The following FGFR3 variants were observed in gnomAD, a reference collection of about 807,000 sequenced individuals.
The protein encoded by FGFR3 is fibroblast growth factor receptor 3.
In FGFR3, 25 loss-of-function variants were observed where a neutral mutation model predicts 82.9. That is an observed-to-expected ratio of 0.30 (90% CI 0.22 to 0.42). The LOEUF (loss-of-function observed/expected upper bound fraction) is 0.42. Ranked by LOEUF, FGFR3 falls within the 10% of genes least tolerant of loss-of-function variation. FGFR3 has a pLI of 1.00. For missense variants in FGFR3, 1,026 were observed against 1,161.0 expected, an observed-to-expected ratio of 0.88 and a Z score of 1.69; for synonymous variants, 620 against 516.0, an observed-to-expected ratio of 1.20 and a Z score of -2.73.
chr4:1,806,337 C>T lies in FGFR3; in HGVS notation c.2030+10C>T, dbSNP rs1318518147. 2 of 1,613,000 alleles carry T rather than the reference C, an allele frequency of 1.2e-6. No homozygotes were observed. The highest frequency in any genetic ancestry group is 2.2e-5 in the East Asian group (1 of 44,888). On this transcript the variant is annotated intron_variant, in intron 15 of 17. Coordinates refer to ENST00000440486, the MANE Select transcript of FGFR3 (RefSeq NM_000142.5). ...CTCACCAGAGTGACGTGTACGTGTC[C>T]TGCAGAGCTCAGGCTTCAGGGGTGG...
At chr4:1,802,395 A>C (rs1721304732) in intron 7 of FGFR3, among the ~76,000 whole-genome samples, 1 of 151,978 alleles carries the variant, frequency 6.6e-6, no homozygotes, top group African/African-American at 2.4e-5. Flanking sequence ...CTGAGCCCCG[A>C]CCTGGCCGAT....
intron 2 of FGFR3, among the ~76,000 whole-genome samples, chr4:1,796,495 T>C (rs1477054754): frequency 1.3e-5 from 2 of 151,936 alleles, no homozygotes; most frequent in Non-Finnish European, 2.9e-5. Flanking sequence ...AACCAGAATG[T>C]GTTGTTTCCT....
At chr4:1,794,620 G>A (rs1481972638) in intron 2 of FGFR3, among the ~76,000 whole-genome samples, 2 of 152,152 alleles carry the variant, frequency 1.3e-5, no homozygotes, top group Non-Finnish European at 2.9e-5. Context: ...CCAGGCAAGC[G>A]AGGGGCGCGT....
intron 7 of FGFR3, among the ~76,000 whole-genome samples, chr4:1,802,380 G>C (rs868409324): frequency 2.0e-4 from 31 of 152,288 alleles, no homozygotes; most frequent in African/African-American, 7.5e-4. Flanking sequence ...CCTCAGAGGC[G>C]GTGGCTGAGC....
intron 8 of FGFR3, 46 bp from the exon 9 acceptor site, chr4:1,804,284 G>A (rs202070694): frequency 3.3e-5 from 51 of 1,537,614 alleles, no homozygotes; most frequent in Admixed American, 2.3e-4. Context: ...TGGGAGCCCC[G>A]TGGGGGGGGG....
rs17879364 is a variant in FGFR3, at chr4:1,807,267, C to T, written c.*5C>T. On this transcript the variant is annotated 3_prime_UTR_variant, in exon 18 of 18. Transcript: ENST00000440486. The stretch of plus-strand genomic sequence containing the variant: ...AGTGGGGGCTCGCGGACGTGAAGGG[C>T]CACTGGTCCCCAACAATGTGAGGGG... The T allele has an allele frequency of 2.5e-6, 4 of 1,591,548 alleles. No homozygotes were observed. Among genetic ancestry groups the T allele is most frequent in the East Asian group, 4.6e-5 (2 of 43,630 alleles).
At chr4:1,799,196 C>T (rs1720886379) in intron 2 of FGFR3, 58 bp from the exon 3 acceptor site, 1 of 1,610,236 alleles carries the variant, frequency 6.2e-7, no homozygotes, top group Non-Finnish European at 8.5e-7. Flanking sequence ...ACTGCTGTGT[C>T]TGTAAACGGT....
chr4:1,794,107 G>A, intron 2 of FGFR3, 64 bp downstream of exon 2: 1 of 1,026,318 alleles, frequency 9.7e-7, no homozygotes, highest in Non-Finnish European at 1.3e-6. Flanking sequence ...TTGGGGACGG[G>A]AACCGGCCCC....
chr4:1,803,588 T>TGGC, intron 7 of FGFR3, 104 bp from the exon 8 acceptor site: 4 of 1,522,602 alleles, frequency 2.6e-6, no homozygotes, highest in Non-Finnish European at 3.5e-6. Flanking sequence ...GAGTTGGTGG[T>TGGC]GGCGGCGTTT....
chr4:1,805,325 C>T (rs975305434), intron 10 of FGFR3, 30 bp from the exon 11 acceptor site: 2 of 1,608,652 alleles, frequency 1.2e-6, no homozygotes, highest in Non-Finnish European at 1.7e-6. Context: ...CGAGTTTGCA[C>T]ACTCATGGTC....
intron 6 of FGFR3, 26 bp downstream of exon 6, chr4:1,801,769 G>C (rs1257453845): frequency 3.8e-6 from 6 of 1,593,450 alleles, no homozygotes; most frequent in African/African-American, 1.3e-5. Context: ...CGGCGCGGGG[G>C]TGGGGGCGGC....
chr4:1,793,660 G>C (rs988346021), intron 1 of FGFR3, among the ~76,000 whole-genome samples, 173 bp from the exon 2 acceptor site: 8 of 149,708 alleles, frequency 5.3e-5, no homozygotes, highest in East Asian at 2.0e-4. Flanking sequence ...AGGGGGAGGA[G>C]GGAGGGACCG....
In FGFR3 at chr4:1,801,610, C is replaced by G; in HGVS notation, c.616-10C>G. 1 of 1,605,996 alleles carries G rather than the reference C, an allele frequency of 6.2e-7. No homozygotes were observed. Among genetic ancestry groups the G allele is most frequent in the Non-Finnish European group, 8.5e-7 (1 of 1,177,294 alleles). ...CCTCCGCTCACTCACCCGCCCGCGT[C>G]CCGGTGCAGCTGCGGCATCAGCAGT... On this transcript the variant is annotated splice_polypyrimidine_tract_variant and intron_variant, in intron 5 of 17. Transcript: ENST00000440486.
intron 9 of FGFR3, 32 bp downstream of exon 9, chr4:1,804,552 G>GC: frequency 6.2e-7 from 1 of 1,608,742 alleles, no homozygotes; most frequent in Non-Finnish European, 8.5e-7. Context: ...GTTCTGAGCT[G>GC]CCTGCCCGCC....
At position 1,805,751 on chromosome 4, in the gene FGFR3, G is replaced by A; in HGVS notation, c.1647G>A (p.Gly549=). ...CGTCTGAGGAGCCCGTGTCCCCAGG[G>A]CCCCTGTACGTGCTGGTGGAGTACG... The part of the protein sequence containing the change: ...INLLGACTQG[G]PLYVLVEYAA... The change falls in exon 13 of 18, where the codon GGG becomes GGA. Residue 549 remains glycine (G), a splice_region_variant and synonymous_variant. Coordinates refer to ENST00000440486, the MANE Select transcript of FGFR3 (RefSeq NM_000142.5). 6.2e-7 allele frequency: 1 copy of A among 1,612,448 alleles called. No homozygotes were observed. The highest frequency in any genetic ancestry group is 8.5e-7 in the Non-Finnish European group (1 of 1,179,680).
rs574622446 is a variant in FGFR3 at position 1,807,398 on chromosome 4, T to C, written c.*136T>C. 2.7e-4 allele frequency: 262 copies of C among 985,014 alleles called. No homozygotes were observed. The African/African-American group carries it at 6.5e-3, about 24-fold the overall frequency. The allele number at this position is 985,014 out of a possible 1,614,324, so 61.0% of individuals were successfully genotyped here. On this transcript the variant is annotated 3_prime_UTR_variant, in exon 18 of 18. Coordinates refer to ENST00000440486, the MANE Select transcript of FGFR3 (RefSeq NM_000142.5). ...GAGCTTTGGTCTGTGTGTGTGTGTG[T>C]GCGTGTGTGTGTGTGTGTGTGCACA...
At chr4:1,805,049 T>A in intron 10 of FGFR3, 80 bp downstream of exon 10, 1 of 1,482,386 alleles carries the variant, frequency 6.7e-7, no homozygotes, top group Non-Finnish European at 9.0e-7. Context: ...GAGGCCCGGC[T>A]GGGTTTAGGG....
At position 1,793,839 on chromosome 4, in the gene FGFR3, G is replaced by T. The variant is rs1720133722; in HGVS notation, c.-96G>T. 2 of 245,682 alleles carry T rather than the reference G, an allele frequency of 8.1e-6. No homozygotes were observed. Among genetic ancestry groups the T allele is most frequent in the South Asian group, 2.9e-4 (2 of 7,012 alleles). 15.2% of individuals were successfully genotyped at this position (245,682 alleles called of 1,614,324 possible). On this transcript the variant is annotated 5_prime_UTR_variant, in exon 2 of 18. Transcript: ENST00000440486. ...TGCCTTCCTCCTCCTGTAGTCTCCC[G>T]AGCGGCGCCCGCCTCCCGCCGGTGC...
At position 1,807,812 on chromosome 4, in the gene FGFR3, A is replaced by G; in HGVS notation, c.*550A>G. On this transcript the variant is annotated 3_prime_UTR_variant, in exon 18 of 18. Coordinates refer to ENST00000440486, the MANE Select transcript of FGFR3 (RefSeq NM_000142.5). ...AGAGACTGAAATTACGGGTACCTGA[A>G]GATGGGAGCCTTTACCTTTTATGCA... 2.0e-6 allele frequency: 1 copy of G among 489,188 alleles called. No individual in the cohort carries two copies. 30.3% of individuals were successfully genotyped at this position (489,188 alleles called of 1,614,324 possible).
Sources: gnomAD v4.1 joint callset for allele counts (sites outside exome capture counted in the v4.1 genomes callset) on GRCh38, gnomAD v4.1.1 for gene constraint, MANE v1.5 for transcripts, NCBI Gene and HGNC (gene_info 2026-07-23, HGNC 2026-07-21) for gene names.